The following WWOX variants were observed in gnomAD, a reference collection of about 807,000 sequenced individuals.
The protein encoded by WWOX is WW domain-containing oxidoreductase.
Under a neutral mutation model 46.2 loss-of-function variants are expected in WWOX, and 69 were observed. The ratio of observed to expected loss-of-function variants is 1.49; its 90% CI spans 1.23 to 1.82. The LOEUF (loss-of-function observed/expected upper bound fraction) is 1.82. Among genes scored for constraint, WWOX ranks in the 40% most tolerant of loss-of-function variants. The pLI, the probability that WWOX is intolerant of heterozygous loss-of-function variation, is 0.00. For missense variants in WWOX, 919 were observed against 542.6 expected, an observed-to-expected ratio of 1.69 and a Z score of -6.89; for synonymous variants, 359 against 202.6, an observed-to-expected ratio of 1.77 and a Z score of -6.56.
intron 8 of WWOX, among the ~76,000 whole-genome samples, chr16:79,104,940 G>A (rs929152412): frequency 2.6e-5 from 4 of 152,206 alleles, no homozygotes; most frequent in Admixed American, 2.6e-4. Context: ...AGCAAAGCAG[G>A]TCGTTAGGGG....
At chr16:78,736,373 A>G (rs946823405) in intron 8 of WWOX, among the ~76,000 whole-genome samples, 3 of 152,126 alleles carry the variant, frequency 2.0e-5, no homozygotes, top group Non-Finnish European at 4.4e-5. Flanking sequence ...AGAGAAGGTC[A>G]CAAAAGCTAG....
rs370046917 is a variant in WWOX at position 78,568,141 on chromosome 16, C to G, written c.1056+135389C>G. Among the ~76,000 whole-genome samples, 13 of 152,162 alleles carry G rather than the reference C, an allele frequency of 8.5e-5. No homozygotes were observed. In the East Asian group the frequency reaches 1.7e-3, roughly 20 times the overall value. On this transcript the variant is annotated intron_variant, in intron 8 of 8. Transcript: ENST00000566780. Reference sequence around the variant, plus strand: ...GAAAGTGTGCATTAATGCATGTGACCAGATGGTTCTAAAATATGCCACTTT... The same window carrying G: ...GAAAGTGTGCATTAATGCATGTGACGAGATGGTTCTAAAATATGCCACTTT...
chr16:78,536,590 G>C (rs1255653609), intron 8 of WWOX, among the ~76,000 whole-genome samples: 3 of 152,244 alleles, frequency 2.0e-5, no homozygotes, highest in Non-Finnish European at 4.4e-5. Context: ...GGACAGTACT[G>C]TTTGAGCCTC....
intron 5 of WWOX, among the ~76,000 whole-genome samples, chr16:78,373,502 A>G (rs58224889): frequency 0.057 from 8,697 of 152,278 alleles, 324 homozygotes; most frequent in East Asian, 0.12. Flanking sequence ...TCTCACCTCA[A>G]TGCAGTGTGG....
intron 8 of WWOX, among the ~76,000 whole-genome samples, chr16:78,907,350 G>A (rs1164631979): frequency 1.3e-5 from 2 of 152,206 alleles, no homozygotes; most frequent in Non-Finnish European, 1.5e-5. Flanking sequence ...GATGTTATCT[G>A]CAGGAATAAT....
chr16:78,329,457 A>C (rs913703422), intron 5 of WWOX, among the ~76,000 whole-genome samples: 1 of 152,212 alleles, frequency 6.6e-6, no homozygotes, highest in African/African-American at 2.4e-5. Flanking sequence ...GCCTGGAATA[A>C]ACAGCAAAAA....
At chr16:78,554,582 T>C (rs2151547801) in intron 8 of WWOX, among the ~76,000 whole-genome samples, 1 of 152,278 alleles carries the variant, frequency 6.6e-6, no homozygotes, top group East Asian at 1.9e-4. Flanking sequence ...TCCATGCATA[T>C]ACGTGGGTGT....
intron 5 of WWOX, among the ~76,000 whole-genome samples, chr16:78,312,052 T>A (rs1017968582): frequency 6.6e-6 from 1 of 152,128 alleles, no homozygotes; most frequent in Non-Finnish European, 1.5e-5. Context: ...GCCAGCAACA[T>A]TGGGCTGACT....
intron 8 of WWOX, among the ~76,000 whole-genome samples, chr16:78,701,926 T>G (rs2048225588): frequency 6.7e-6 from 1 of 148,724 alleles, no homozygotes; most frequent in South Asian, 2.1e-4. Flanking sequence ...GACTCATACC[T>G]GTAATCCCAG....
intron 5 of WWOX, among the ~76,000 whole-genome samples, chr16:78,262,021 C>T (rs914235847): frequency 3.0e-5 from 4 of 134,864 alleles, no homozygotes; most frequent in Non-Finnish European, 6.1e-5. Context: ...ACCTGGGAAG[C>T]GGAGGTTGCA....
chr16:79,163,775 C>A (rs150965057), intron 8 of WWOX, among the ~76,000 whole-genome samples: 2 of 112,680 alleles, frequency 1.8e-5, no homozygotes, highest in South Asian at 3.0e-4. Flanking sequence ...CTGGCCTGGG[C>A]AACGAGCAAA....
At chr16:78,290,581 G>GTGTAGTACT (rs1024391592) in intron 5 of WWOX, among the ~76,000 whole-genome samples, 14 of 152,096 alleles carry the variant, frequency 9.2e-5, no homozygotes, top group Non-Finnish European at 1.8e-4. Context: ...AAGCTCCTTA[G>GTGTAGTACT]TGTAGTACTT....
intron 8 of WWOX, among the ~76,000 whole-genome samples, chr16:78,480,851 G>C (rs999281045): frequency 6.6e-6 from 1 of 152,208 alleles, no homozygotes; most frequent in Non-Finnish European, 1.5e-5. Context: ...TGAGACATCA[G>C]ATTATGTGGT....
intron 8 of WWOX, among the ~76,000 whole-genome samples, chr16:78,616,091 C>T (rs1237401542): frequency 6.6e-6 from 1 of 152,110 alleles, no homozygotes; most frequent in East Asian, 1.9e-4. Flanking sequence ...CTATTCTTCT[C>T]ACTTCCTACG....
chr16:78,539,466 T>C (rs757948673), intron 8 of WWOX, among the ~76,000 whole-genome samples: 7 of 152,240 alleles, frequency 4.6e-5, no homozygotes, highest in Non-Finnish European at 4.4e-5. Context: ...TCTCTTCCAG[T>C]AAGCAATTCT....
intron 5 of WWOX, among the ~76,000 whole-genome samples, chr16:78,314,701 G>GTTTTGTTTT (rs2080322491): frequency 1.6e-5 from 1 of 61,312 alleles, no homozygotes; most frequent in African/African-American, 7.5e-5. Flanking sequence ...TTTTTTTTTT[G>GTTTTGTTTT]TTTTTTTTTT....
intron 8 of WWOX, among the ~76,000 whole-genome samples, chr16:78,946,016 G>A (rs757274770): frequency 5.3e-5 from 8 of 152,204 alleles, no homozygotes; most frequent in South Asian, 4.1e-4. Flanking sequence ...CAAAAGAGCC[G>A]CTGATCTGCA....
chr16:79,133,711 C>T (rs1192943448), intron 8 of WWOX, among the ~76,000 whole-genome samples: 1 of 152,174 alleles, frequency 6.6e-6, no homozygotes, highest in East Asian at 1.9e-4. Context: ...TTTTAAAAGC[C>T]AGCAAGTGTT....
chr16:78,104,229 A>AG (rs1472545047), intron 1 of WWOX, among the ~76,000 whole-genome samples: 2 of 64,796 alleles, frequency 3.1e-5, no homozygotes, highest in Non-Finnish European at 6.9e-5. Context: ...CACTGTGCTC[A>AG]AAACACACAC....
Sources: allele counts gnomAD v4.1 joint callset (sites outside exome capture counted in the v4.1 genomes callset), GRCh38; gene constraint gnomAD v4.1.1; transcripts MANE v1.5; gene names NCBI Gene and HGNC (gene_info 2026-07-23, HGNC 2026-07-21).